IL16: variants seen among roughly 807,000 people sequenced by gnomAD.
IL16 encodes pro-interleukin-16.
Under a neutral mutation model 110.1 loss-of-function variants are expected in IL16, and 67 were observed. That is an observed-to-expected ratio of 0.61 (90% CI 0.50 to 0.75). The LOEUF is 0.75. Ranked by LOEUF, IL16 falls within the 30% of genes least tolerant of loss-of-function variation. IL16 has a pLI of 0.00. For missense variants in IL16, 1,545 were observed against 1,655.0 expected (o/e 0.93, Z 1.15); for synonymous variants, 689 against 662.9 (o/e 1.04, Z -0.61).
intron 5 of IL16, among the ~76,000 whole-genome samples, chr15:81,272,276 A>G (rs1348844822): frequency 1.3e-5 from 2 of 152,218 alleles, no homozygotes; most frequent in African/African-American, 2.4e-5. Context: ...GCTGCTTTTC[A>G]GGTCTGCCAG....
chr15:81,189,597 G>A (rs1895468573), intron 1 of IL16, among the ~76,000 whole-genome samples: 9 of 152,158 alleles, frequency 5.9e-5, no homozygotes, highest in Admixed American at 5.9e-4. Context: ...GTGATTTAAT[G>A]TGTGAGTTGG....
At chr15:81,243,989 T>G (rs962180253) in intron 2 of IL16, among the ~76,000 whole-genome samples, 1 of 152,188 alleles carries the variant, frequency 6.6e-6, no homozygotes, top group East Asian at 1.9e-4. Context: ...TCATTGATTG[T>G]CTCTATAAAA....
intron 2 of IL16, among the ~76,000 whole-genome samples, chr15:81,246,351 C>T (rs926716873): frequency 6.6e-6 from 1 of 152,176 alleles, no homozygotes; most frequent in Admixed American, 6.5e-5. Flanking sequence ...CACCCCTAAC[C>T]CCTGGCAACC....
chr15:81,186,279 A>G (rs576570505), intron 1 of IL16, among the ~76,000 whole-genome samples: 8 of 152,248 alleles, frequency 5.3e-5, no homozygotes, highest in Non-Finnish European at 1.0e-4. Context: ...ATTTTTACCT[A>G]CAGCACTGTG....
rs982822183 is a variant in IL16 at position 81,299,412 on chromosome 15, C to T, written c.2086C>T (p.Leu696Phe). The change falls in exon 14 of 19, where the codon CTT (leucine) becomes TTT (phenylalanine). Residue 696 changes from leucine (L) to phenylalanine (F), a missense_variant. Physicochemically the swap from Leu to Phe is conservative, Grantham distance 22. Around this residue, in one of 3 missense-constraint regions of IL16, gnomAD observed 1,185 missense variants for 1,238.8 expected, o/e 0.96. Transcript: ENST00000683961. The stretch of plus-strand genomic sequence containing the variant: ...AACATCCCCGATAAAACACCCACTG[C>T]TTAAGAGGCAGGCTCGGATGGACTA... ...TQTSPIKHPL[L>F]KRQARMDYSF... is the part of the protein sequence containing the mutation. 1.2e-6 allele frequency: 2 copies of T among 1,613,882 alleles called. No homozygotes were observed. The highest frequency in any genetic ancestry group is 2.7e-5 in the African/African-American group (2 of 74,944).
intron 1 of IL16, among the ~76,000 whole-genome samples, chr15:81,201,791 C>T (rs1895824765): frequency 6.6e-6 from 1 of 152,102 alleles, no homozygotes. Flanking sequence ...GTTGAGTATT[C>T]TCTCTGATTT....
intron 9 of IL16, among the ~76,000 whole-genome samples, chr15:81,283,493 G>A (rs565958253): frequency 9.8e-5 from 15 of 152,290 alleles, no homozygotes; most frequent in Middle Eastern, 6.8e-3. Flanking sequence ...TCAGACGCCC[G>A]GACCCAGACC....
chr15:81,233,716 A>G (rs1897091657), intron 2 of IL16, among the ~76,000 whole-genome samples: 3 of 152,018 alleles, frequency 2.0e-5, no homozygotes, highest in South Asian at 4.1e-4. Flanking sequence ...ATATTTGTCT[A>G]TTAGGTCAAA....
Position 81,300,057 on chromosome 15 carries a change from G to T in IL16, c.2731G>T (p.Ala911Ser). 1 of 1,565,768 alleles carries T rather than the reference G, an allele frequency of 6.4e-7. No individual in the cohort carries two copies. Among genetic ancestry groups the T allele is most frequent in the Non-Finnish European group, 8.6e-7 (1 of 1,158,086 alleles). Residue 911 changes from alanine to serine, a missense_variant, in exon 14 of 19, where the codon GCC becomes TCC. Ala to Ser is a moderately conservative substitution (Grantham distance 99). This residue lies in a region of IL16 where 1,185 missense variants were observed against 1,238.8 expected (regional missense o/e 0.96). Transcript: ENST00000683961. ...EQVLSSGSPA[A>S]SEARDPGVSE... ...AGTACTGTCCTCGGGGTCCCCTGCA[G>T]CCTCCGAGGCCAGAGACCCAGGTGT...
chr15:81,214,715 T>A (rs996597229), intron 1 of IL16, among the ~76,000 whole-genome samples: 1 of 152,202 alleles, frequency 6.6e-6, no homozygotes, highest in African/African-American at 2.4e-5. Context: ...TCAAATGTAT[T>A]TTCCAAGGTG....
intron 15 of IL16, among the ~76,000 whole-genome samples, chr15:81,302,694 T>C (rs1402804936): frequency 1.3e-5 from 2 of 152,152 alleles, no homozygotes; most frequent in Admixed American, 1.3e-4. Flanking sequence ...AACCTGTAGG[T>C]GTACTTTATT....
chr15:81,208,205 C>G (rs1896106945), intron 1 of IL16, among the ~76,000 whole-genome samples: 1 of 152,166 alleles, frequency 6.6e-6, no homozygotes, highest in South Asian at 2.1e-4. Flanking sequence ...GTCCTTTGCC[C>G]ATTTTTAATG....
chr15:81,190,040 C>T (rs192884288), intron 1 of IL16, among the ~76,000 whole-genome samples: 3 of 152,310 alleles, frequency 2.0e-5, no homozygotes, highest in Admixed American at 1.3e-4. Context: ...TCTGAAGCCA[C>T]GCAGGCCAGG....
intron 5 of IL16, 40 bp downstream of exon 5, chr15:81,269,688 A>G (rs1596014322): frequency 7.1e-7 from 1 of 1,408,874 alleles, no homozygotes; most frequent in East Asian, 2.3e-5. Context: ...CCTGGGGGGC[A>G]GCACCAGTCT....
At chr15:81,230,159 A>AATC (rs972884940) in intron 2 of IL16, among the ~76,000 whole-genome samples, 1 of 152,214 alleles carries the variant, frequency 6.6e-6, no homozygotes. Flanking sequence ...ACCCCTGGAG[A>AATC]TGAATTCAAA....
intron 13 of IL16, among the ~76,000 whole-genome samples, chr15:81,297,966 C>T (rs1412355101): frequency 6.6e-6 from 1 of 152,236 alleles, no homozygotes; most frequent in Non-Finnish European, 1.5e-5. Flanking sequence ...TCTAGCACAT[C>T]TCACCCAGAG....
intron 4 of IL16, among the ~76,000 whole-genome samples, chr15:81,267,635 A>G (rs1331767043): frequency 6.6e-6 from 1 of 152,200 alleles, no homozygotes; most frequent in African/African-American, 2.4e-5. Flanking sequence ...AGACCTAATT[A>G]GAGTCTAAAG....
rs764199286 is a variant in IL16, at chr15:81,293,008, T to C, written c.1873T>C (p.Ser625Pro). 8 of 1,610,704 alleles carry C rather than the reference T, an allele frequency of 5.0e-6. No individual in the cohort carries two copies. The Admixed American group carries it at 8.3e-5, about 17-fold the overall frequency. The stretch of plus-strand genomic sequence containing the variant: ...AGAGAGAGAGAACTCCTCATGCTCT[T>C]CTGGGCACACCCCACCCACCTGTGG... ...LEERENSSCS[S>P]GHTPPTCGQE... Residue 625 changes from serine to proline, a missense_variant, in exon 12 of 19, where the codon TCT becomes CCT. This residue lies in a region of IL16 where 1,185 missense variants were observed against 1,238.8 expected (regional missense o/e 0.96). Transcript: ENST00000683961.
At position 81,258,769 on chromosome 15, in the gene IL16, C is replaced by A. The variant is rs563655224; in HGVS notation, c.313-1003C>A. Among the ~76,000 whole-genome samples the A allele has an allele frequency of 1.7e-3, 253 of 148,096 alleles. 2 individuals carry two copies. The highest frequency in any genetic ancestry group is 5.6e-3 in the East Asian group (29 of 5,142). ...TCTCTGTCACTCGCTCTCTCTCTCT[C>A]TCTCTATATATATATATTTGTGCAT... On this transcript the variant is annotated intron_variant, in intron 2 of 18. Coordinates refer to ENST00000683961, the MANE Select transcript of IL16 (RefSeq NM_172217.5).
Sources: gnomAD v4.1 joint callset for allele counts (sites outside exome capture counted in the v4.1 genomes callset) on GRCh38, gnomAD v4.1.1 for gene constraint, gnomAD v4.1.1 regional missense constraint, MANE v1.5 for transcripts, NCBI Gene and HGNC (gene_info 2026-07-23, HGNC 2026-07-21) for gene names.